The following SLC24A2 variants were observed in gnomAD, a reference collection of about 807,000 sequenced individuals.
SLC24A2 encodes the protein sodium/potassium/calcium exchanger 2.
A neutral mutation model predicts 62.0 loss-of-function variants in SLC24A2; 36 were observed. That is an observed-to-expected ratio of 0.58 (90% CI 0.44 to 0.77). SLC24A2 has a LOEUF of 0.77. Among genes scored for constraint, SLC24A2 ranks in the 30% least tolerant of loss-of-function variants. The pLI, the probability that SLC24A2 is intolerant of heterozygous loss-of-function variation, is 0.00. For synonymous variants in SLC24A2, 358 were observed against 294.0 expected (o/e 1.22, Z -2.23); for missense variants, 846 against 817.9 (o/e 1.03, Z -0.42).
the SLC24A2 span, among the ~76,000 whole-genome samples, chr9:20,234,544 C>G: frequency 3.9e-5 from 6 of 152,242 alleles, no homozygotes; most frequent in African/African-American, 1.2e-4. Context: ...CTGCATTCAT[C>G]ACGTAGCTCT....
At chr9:20,173,796 T>C in the SLC24A2 span, among the ~76,000 whole-genome samples, 1 of 151,906 alleles carries the variant, frequency 6.6e-6, no homozygotes, top group Non-Finnish European at 1.5e-5. Flanking sequence ...ATAAGTTCAA[T>C]GCAATTCCCA....
intron 2 of SLC24A2, among the ~76,000 whole-genome samples, chr9:19,638,944 C>T (rs1818424726): frequency 9.0e-6 from 1 of 110,946 alleles, no homozygotes; most frequent in Non-Finnish European, 1.8e-5. Flanking sequence ...TTGAACAAAT[C>T]CTGAATTGCT....
At chr9:19,759,768 G>C (rs887178284) in intron 2 of SLC24A2, among the ~76,000 whole-genome samples, 2 of 152,116 alleles carry the variant, frequency 1.3e-5, no homozygotes, top group Non-Finnish European at 2.9e-5. Flanking sequence ...GAAACTTACA[G>C]TTCACTGACT....
chr9:19,877,942 G>C, the SLC24A2 span, among the ~76,000 whole-genome samples: 3 of 151,990 alleles, frequency 2.0e-5, no homozygotes, highest in African/African-American at 7.3e-5. Flanking sequence ...TTATGTATGT[G>C]CTTATTTAAT....
intron 4 of SLC24A2, among the ~76,000 whole-genome samples, chr9:19,614,460 T>C (rs1256239902): frequency 1.3e-5 from 2 of 152,192 alleles, no homozygotes; most frequent in South Asian, 4.1e-4. Context: ...CAAGGAACAA[T>C]GAACAGTGGA....
chr9:20,141,719 T>G, the SLC24A2 span, among the ~76,000 whole-genome samples: 8 of 152,018 alleles, frequency 5.3e-5, no homozygotes, highest in South Asian at 2.1e-4. Context: ...AGCGTCCTTA[T>G]GCTCACTCAA....
At chr9:19,955,333 T>A in the SLC24A2 span, among the ~76,000 whole-genome samples, 1 of 151,684 alleles carries the variant, frequency 6.6e-6, no homozygotes, top group Non-Finnish European at 1.5e-5. Context: ...GTAGTAAATA[T>A]GGTAGAGTGA....
chr9:20,216,166 T>TTGAC, the SLC24A2 span, among the ~76,000 whole-genome samples: 1 of 152,228 alleles, frequency 6.6e-6, no homozygotes, highest in African/African-American at 2.4e-5. Context: ...TGCCTTGGGC[T>TTGAC]GTCAGTCTAA....
At chr9:20,092,301 T>G in the SLC24A2 span, among the ~76,000 whole-genome samples, 4 of 152,238 alleles carry the variant, frequency 2.6e-5, no homozygotes, top group African/African-American at 9.6e-5. Context: ...TCAACTTGTA[T>G]TTGTATGCTA....
the SLC24A2 span, among the ~76,000 whole-genome samples, chr9:20,199,780 G>A: frequency 1.7e-4 from 26 of 149,044 alleles, no homozygotes; most frequent in African/African-American, 5.5e-4. Context: ...GTGCAATGGC[G>A]TGATCTCAGC....
chr9:20,254,459 G>A, the SLC24A2 span, among the ~76,000 whole-genome samples: 1 of 152,200 alleles, frequency 6.6e-6, no homozygotes, highest in African/African-American at 2.4e-5. Context: ...CACATGCCAG[G>A]CACTGTGTGG....
chr9:19,647,261 T>G (rs888727684), intron 2 of SLC24A2, among the ~76,000 whole-genome samples: 9 of 142,236 alleles, frequency 6.3e-5, no homozygotes, highest in Admixed American at 2.8e-4. Flanking sequence ...TTATTAAAGG[T>G]GTTCACAGAA....
the SLC24A2 span, among the ~76,000 whole-genome samples, chr9:19,983,454 C>T: frequency 6.6e-6 from 1 of 152,078 alleles, no homozygotes; most frequent in Admixed American, 6.5e-5. Context: ...ACCATACTGG[C>T]CAACATGGTG....
the SLC24A2 span, among the ~76,000 whole-genome samples, chr9:19,947,388 G>A: frequency 6.8e-6 from 1 of 146,740 alleles, no homozygotes; most frequent in African/African-American, 2.5e-5. Context: ...AAGGAAGGAA[G>A]AAGAAAGAAG....
At chr9:20,262,921 C>A in the SLC24A2 span, among the ~76,000 whole-genome samples, 1 of 152,016 alleles carries the variant, frequency 6.6e-6, no homozygotes, top group African/African-American at 2.4e-5. Context: ...AGAACAGGAA[C>A]CATGGTGTTT....
chr9:20,114,524 G>T, the SLC24A2 span, among the ~76,000 whole-genome samples: 1 of 152,096 alleles, frequency 6.6e-6, no homozygotes, highest in East Asian at 1.9e-4. Context: ...AAATACCCAA[G>T]AATAATGCAG....
chr9:20,179,184 C>T, the SLC24A2 span, among the ~76,000 whole-genome samples: 5 of 152,042 alleles, frequency 3.3e-5, no homozygotes, highest in Admixed American at 6.6e-5. Flanking sequence ...AAGTGGAAGA[C>T]GACTCTTGGG....
At chr9:20,086,239 C>A in the SLC24A2 span, among the ~76,000 whole-genome samples, 1 of 152,150 alleles carries the variant, frequency 6.6e-6, no homozygotes, top group East Asian at 1.9e-4. Flanking sequence ...CTTTATATTG[C>A]TGGTGTTCTC....
chr9:20,290,466 T>C, the SLC24A2 span, among the ~76,000 whole-genome samples: 1 of 152,246 alleles, frequency 6.6e-6, no homozygotes, highest in Admixed American at 6.5e-5. Context: ...CCAGCTTCTC[T>C]AAGCAGTTGC....
Sources: allele counts gnomAD v4.1 joint callset (sites outside exome capture counted in the v4.1 genomes callset), GRCh38; gene constraint gnomAD v4.1.1; transcripts MANE v1.5; gene names NCBI Gene and HGNC (gene_info 2026-07-23, HGNC 2026-07-21).